Variants in ADD2 observed in about 807,000 individuals in gnomAD.
ADD2 encodes beta-adducin.
ADD2 carries 23 observed loss-of-function variants against 83.0 expected under a neutral mutation model. The ratio of observed to expected loss-of-function variants is 0.28; its 90% CI spans 0.20 to 0.39. ADD2 has a LOEUF of 0.39. Ranked by LOEUF, ADD2 falls within the 10% of genes least tolerant of loss-of-function variation. The probability of loss-of-function intolerance (pLI) is 1.00; values close to 1 mark genes in which losing one functional copy is unlikely to be tolerated. For missense variants in ADD2, 758 were observed against 944.9 expected, an observed-to-expected ratio of 0.80 and a Z score of 2.59; for synonymous variants, 375 against 375.4, an observed-to-expected ratio of 1.00 and a Z score of 0.01.
intron 1 of ADD2, among the ~76,000 whole-genome samples, chr2:70,717,519 C>G (rs1428948183): frequency 6.6e-6 from 1 of 152,162 alleles, no homozygotes; most frequent in Non-Finnish European, 1.5e-5. Flanking sequence ...TGGAAAGACG[C>G]AAGCTGCCAC....
chr2:70,732,519 G>A (rs1214945359), intron 1 of ADD2, among the ~76,000 whole-genome samples: 1 of 152,210 alleles, frequency 6.6e-6, no homozygotes, highest in Non-Finnish European at 1.5e-5. Flanking sequence ...TCTAGGCACT[G>A]CATCATGAGG....
At chr2:70,719,875 G>T (rs1473806984) in intron 1 of ADD2, among the ~76,000 whole-genome samples, 2 of 152,208 alleles carry the variant, frequency 1.3e-5, no homozygotes, top group Admixed American at 6.5e-5. Flanking sequence ...CAATCTGAGA[G>T]CATCTGTCCT....
chr2:70,693,925 G>A (rs1671182318), intron 6 of ADD2, among the ~76,000 whole-genome samples: 1 of 152,182 alleles, frequency 6.6e-6, no homozygotes, highest in Non-Finnish European at 1.5e-5. Context: ...CCCCTCTTGA[G>A]GACAGCCCAG....
At chr2:70,750,094 G>A (rs901559224) in intron 1 of ADD2, among the ~76,000 whole-genome samples, 1 of 151,822 alleles carries the variant, frequency 6.6e-6, no homozygotes, top group African/African-American at 2.4e-5. Context: ...TGAGAGGGGG[G>A]CAGAGTACAG....
At chr2:70,663,905 C>T (rs1675643536) in intron 15 of ADD2, among the ~76,000 whole-genome samples, 170 bp from the exon 16 acceptor site, 1 of 152,188 alleles carries the variant, frequency 6.6e-6, no homozygotes, top group African/African-American at 2.4e-5. Context: ...GGACTGGGTT[C>T]TGATCTGCAC....
At chr2:70,728,233 C>T (rs538821646) in intron 1 of ADD2, among the ~76,000 whole-genome samples, 16 of 152,304 alleles carry the variant, frequency 1.1e-4, no homozygotes, top group South Asian at 4.2e-4. Context: ...TCATAGGCCA[C>T]GGCCTATATG....
At position 70,690,841 on chromosome 2, in the gene ADD2, A is replaced by G. The variant is rs1553371427; in HGVS notation, c.794T>C (p.Met265Thr). 3 of 1,614,090 alleles carry G rather than the reference A, an allele frequency of 1.9e-6. No homozygotes were observed. Among genetic ancestry groups the G allele is most frequent in the Non-Finnish European group, 1.7e-6 (2 of 1,180,034 alleles). ...DMAYYDFNGE[M>T]EQEADRINLQ... is the part of the protein sequence containing the mutation. ...GTTGATCCGATCGGCTTCCTGCTCC[A>G]TTTCCCCATTGAAGTCATAATAGGC... is the stretch of plus-strand genomic sequence containing the variant. Residue 265 changes from methionine to threonine, a missense_variant, in exon 8 of 16, where the codon ATG becomes ACG. This residue lies in a region of ADD2 where 394 missense variants were observed against 509.3 expected (regional missense o/e 0.77). Transcript: ENST00000264436.
chr2:70,674,925 C>G, intron 13 of ADD2, 100 bp from the exon 14 acceptor site: 9 of 1,499,740 alleles, frequency 6.0e-6, no homozygotes, highest in Non-Finnish European at 8.0e-6. Context: ...AGCGGTCTTG[C>G]TAGGGACAGC....
chr2:70,757,422 A>G (rs1328323912), intron 1 of ADD2, among the ~76,000 whole-genome samples: 1 of 152,202 alleles, frequency 6.6e-6, no homozygotes, highest in Non-Finnish European at 1.5e-5. Context: ...AAGAAAAATA[A>G]TGATATATTT....
chr2:70,673,858 A>G (rs782142645), intron 14 of ADD2, among the ~76,000 whole-genome samples: 8 of 151,816 alleles, frequency 5.3e-5, no homozygotes, highest in Non-Finnish European at 7.4e-5. Context: ...TGGCCTCCCA[A>G]CGTGCTGGGA....
chr2:70,681,072 C>T (rs1031965211), intron 10 of ADD2, among the ~76,000 whole-genome samples: 1 of 152,124 alleles, frequency 6.6e-6, no homozygotes, highest in Admixed American at 6.6e-5. Context: ...AAAATGTAGG[C>T]ATAGTTAAAT....
At chr2:70,692,599 C>T (rs1671101108) in intron 6 of ADD2, 47 bp from the exon 7 acceptor site, 2 of 1,524,992 alleles carry the variant, frequency 1.3e-6, no homozygotes, top group Non-Finnish European at 8.8e-7. Context: ...GTGGCCGAGG[C>T]CCCGCACTCC....
chr2:70,660,120 A>T lies in ADD2; in HGVS notation c.*3305T>A, dbSNP rs534724092. The T allele has an allele frequency of 2.5e-4, 38 of 152,326 alleles. No homozygotes were observed. The highest frequency in any genetic ancestry group is 8.4e-4 in the African/African-American group (35 of 41,566). The allele number at this position is 152,326 out of a possible 1,614,324, so 9.4% of individuals were successfully genotyped here. ...TAGCCTGTAGATTTGTTTGGACCACATGTCTGTTTCTGTAGCATTTGGTGC... is the reference window on the plus strand; with the variant it reads ...TAGCCTGTAGATTTGTTTGGACCACTTGTCTGTTTCTGTAGCATTTGGTGC... On this transcript the variant is annotated 3_prime_UTR_variant, in exon 16 of 16. Transcript: ENST00000264436.
At chr2:70,665,398 C>T (rs1476918596) in intron 15 of ADD2, among the ~76,000 whole-genome samples, 1 of 152,212 alleles carries the variant, frequency 6.6e-6, no homozygotes, top group African/African-American at 2.4e-5. Flanking sequence ...CCACTGCTCC[C>T]AGTCTTCCCA....
chr2:70,767,617 C>T (rs1394556221), intron 1 of ADD2: 2 of 1,281,050 alleles, frequency 1.6e-6, no homozygotes, highest in South Asian at 2.8e-5. Flanking sequence ...TCAGGCGTTA[C>T]GCTCCGGGCG....
In ADD2 at chr2:70,709,344, T is replaced by A. The variant is rs533800079; in HGVS notation, c.-34-2902A>T. On this transcript the variant is annotated intron_variant, in intron 2 of 15. Transcript: ENST00000264436. ...GGGAGCCAAAAAAAAAAAAAAAGAT[T>A]CTGTAAAGAAAGATTTTGAAACAGA... Among the ~76,000 whole-genome samples, 8 of 151,924 alleles carry A rather than the reference T, an allele frequency of 5.3e-5. No individual in the cohort carries two copies. In the South Asian group the frequency reaches 1.7e-3, roughly 32 times the overall value.
rs559157925 is a variant in ADD2 at position 70,678,851 on chromosome 2, G to A, written c.1236C>T (p.Asp412=). Residue 412 remains aspartate, a synonymous_variant, in exon 11 of 16, where the codon GAC becomes GAT. Transcript: ENST00000264436. ...ATVTAFVFEE[D]GAPVPALRQH... ...GTCGCAGGGCGGGCACCGGGGCACC[G>A]TCCTCCTCAAACACGAAGGCTGTGA... 6 of 1,614,164 alleles carry A rather than the reference G, an allele frequency of 3.7e-6. No individual in the cohort carries two copies. Among genetic ancestry groups the A allele is most frequent in the Middle Eastern group, 1.7e-4 (1 of 6,060 alleles).
At chr2:70,688,523 T>C (rs1553370947) in intron 8 of ADD2, among the ~76,000 whole-genome samples, 2 of 152,252 alleles carry the variant, frequency 1.3e-5, no homozygotes, top group African/African-American at 4.8e-5. Context: ...TATATTAAAG[T>C]GAATGAAGTT....
At chr2:70,700,857 C>A (rs145611658) in intron 4 of ADD2, among the ~76,000 whole-genome samples, 1 of 151,882 alleles carries the variant, frequency 6.6e-6, no homozygotes, top group African/African-American at 2.4e-5. Context: ...AAATATATGA[C>A]GAAAATTTAA....
Sources: allele counts gnomAD v4.1 joint callset (sites outside exome capture counted in the v4.1 genomes callset), GRCh38; gene constraint gnomAD v4.1.1; regional missense constraint gnomAD v4.1.1; transcripts MANE v1.5; gene names NCBI Gene and HGNC (gene_info 2026-07-23, HGNC 2026-07-21).